Variants in BIRC6 observed in about 807,000 individuals in gnomAD.
The protein encoded by BIRC6 is dual E2 ubiquitin-conjugating enzyme/E3 ubiquitin-protein ligase BIRC6.
Under a neutral mutation model 503.3 loss-of-function variants are expected in BIRC6, and 98 were observed. The ratio of observed to expected loss-of-function variants is 0.19; its 90% CI spans 0.17 to 0.23. The LOEUF (loss-of-function observed/expected upper bound fraction) is 0.23, where lower values mean the gene tolerates loss of function less well. BIRC6 is among the 10% of genes least tolerant of loss of function. BIRC6 has a pLI of 1.00. For missense variants in BIRC6, 5,360 were observed against 5,806.0 expected, an observed-to-expected ratio of 0.92 and a Z score of 2.50; for synonymous variants, 2,240 against 2,078.7, an observed-to-expected ratio of 1.08 and a Z score of -2.11.
chr2:32,431,221 A>G, intron 12 of BIRC6, 131 bp downstream of exon 12: 2 of 408,252 alleles, frequency 4.9e-6, no homozygotes, highest in South Asian at 5.7e-5. Flanking sequence ...TTTGAGACAG[A>G]GTCTCACTCT....
chr2:32,600,784 G>A lies in BIRC6; in HGVS notation c.13992+884G>A, dbSNP rs766787636. On this transcript the variant is annotated intron_variant, in intron 70 of 73. Coordinates refer to ENST00000421745, the MANE Select transcript of BIRC6 (RefSeq NM_016252.4). ...GTGTTCCTTGATACACACAATTGTG[G>A]ACTTATTTTTAAAGTTTACACACTG... Among the ~76,000 whole-genome samples the A allele has an allele frequency of 4.6e-5, 7 of 152,242 alleles. No homozygotes were observed. In the East Asian group the frequency reaches 1.4e-3, roughly 29 times the overall value.
intron 53 of BIRC6, 90 bp from the exon 54 acceptor site, chr2:32,512,843 C>T (rs944395505): frequency 1.5e-5 from 14 of 922,132 alleles, no homozygotes; most frequent in Non-Finnish European, 2.4e-5. Context: ...TCATAAATAC[C>T]CTACTCACCA....
chr2:32,585,669 C>T (rs1030702176), intron 66 of BIRC6, among the ~76,000 whole-genome samples: 31 of 152,268 alleles, frequency 2.0e-4, no homozygotes, highest in African/African-American at 7.0e-4. Flanking sequence ...TGTGAGCCAC[C>T]GTGCCCAGCC....
chr2:32,515,677 T>G lies in BIRC6; in HGVS notation c.11256T>G (p.Thr3752=), dbSNP rs1160881679. 1 of 1,607,360 alleles carries G rather than the reference T, an allele frequency of 6.2e-7. No homozygotes were observed. The highest frequency in any genetic ancestry group is 1.1e-5 in the South Asian group (1 of 91,090). ...CTTCAGCTGCTACAACAGGACTGAC[T>G]ACTCAACAGCGCACAGCAATTGAGA... is the stretch of plus-strand genomic sequence containing the variant. The part of the protein sequence containing the change: ...SLSSAATTGL[T]TQQRTAIENA... Residue 3752 remains threonine, a synonymous_variant, in exon 55 of 74, where the codon ACT becomes ACG. Coordinates refer to ENST00000421745, the MANE Select transcript of BIRC6 (RefSeq NM_016252.4).
At chr2:32,480,158 C>G (rs2050219895) in intron 37 of BIRC6, among the ~76,000 whole-genome samples, 1 of 152,072 alleles carries the variant, frequency 6.6e-6, no homozygotes, top group Admixed American at 6.6e-5. Flanking sequence ...CTATTTTTTA[C>G]TTGATATTCT....
chr2:32,538,055 T>C (rs2057376946), intron 61 of BIRC6, among the ~76,000 whole-genome samples: 1 of 152,140 alleles, frequency 6.6e-6, no homozygotes, highest in Non-Finnish European at 1.5e-5. Context: ...TTTAACACAA[T>C]ATTAATAGAA....
Position 32,453,820 on chromosome 2 carries a change from T to G in BIRC6, c.4631T>G (p.Val1544Gly). Residue 1544 changes from valine (V) to glycine (G), a missense_variant, in exon 23 of 74, where the codon GTC (valine) becomes GGC (glycine). Coordinates refer to ENST00000421745, the MANE Select transcript of BIRC6 (RefSeq NM_016252.4). ...CTTTTGCCATTAGGAAATGGAAAGG[T>G]CAGTAGTTGCACAGCTGCTGAGGGT... is the stretch of plus-strand genomic sequence containing the variant. ...LSDVLSGNGK[V>G]SSCTAAEGSF... 2.5e-6 allele frequency: 4 copies of G among 1,613,584 alleles called. 1 individual carries two copies. The South Asian group carries it at 4.4e-5, about 18-fold the overall frequency.
chr2:32,443,311 A>G (rs1008898730), intron 19 of BIRC6, 180 bp from the exon 20 acceptor site: 99 of 527,034 alleles, frequency 1.9e-4, no homozygotes, highest in African/African-American at 3.0e-4. Flanking sequence ...AATATTTACA[A>G]CCCTCCTTAG....
rs1308742277 is a variant in BIRC6, at chr2:32,464,725, A to G, written c.5158A>G (p.Ile1720Val). 4 of 1,613,878 alleles carry G rather than the reference A, an allele frequency of 2.5e-6. No homozygotes were observed. The African/African-American group carries it at 5.3e-5, about 22-fold the overall frequency. Residue 1720 changes from isoleucine (I) to valine (V), a missense_variant, in exon 25 of 74, where the codon ATT (isoleucine) becomes GTT (valine). This residue lies in a region of BIRC6 where 2,299 missense variants were observed against 2,267.2 expected (regional missense o/e 1.01). Coordinates refer to ENST00000421745, the MANE Select transcript of BIRC6 (RefSeq NM_016252.4). ...ACCCAATGAAGCAGTTTCCGTTGTGATTAATGCCGAACTTGCACAGCTTTT... is the reference window on the plus strand; with the variant it reads ...ACCCAATGAAGCAGTTTCCGTTGTGGTTAATGCCGAACTTGCACAGCTTTT... The part of the protein sequence containing the change: ...TPPNEAVSVV[I>V]NAELAQLFPG...
At chr2:32,514,108 ACGAGG>A (rs2054751269) in intron 54 of BIRC6, among the ~76,000 whole-genome samples, 1 of 152,112 alleles carries the variant, frequency 6.6e-6, no homozygotes, top group Non-Finnish European at 1.5e-5. Flanking sequence ...ATCACTTGAA[ACGAGG>A]CGTTTAATGC....
chr2:32,541,205 A>G (rs1297277837), intron 61 of BIRC6, among the ~76,000 whole-genome samples: 1 of 152,118 alleles, frequency 6.6e-6, no homozygotes, highest in Admixed American at 6.6e-5. Flanking sequence ...AGCATAAAAT[A>G]ATAAATATAG....
Position 32,406,525 on chromosome 2 carries a change from G to A in BIRC6, c.1445G>A (p.Ser482Asn), listed in dbSNP as rs550400928. Residue 482 changes from serine to asparagine, a missense_variant, in exon 9 of 74, where the codon AGT becomes AAT. Around this residue, in one of 16 missense-constraint regions of BIRC6, gnomAD observed 700 missense variants for 739.3 expected, o/e 0.95. Transcript: ENST00000421745. ...DSDDLLEDSD[S>N]EEHSRSDSVT... is the part of the protein sequence containing the mutation. ...GATGATTTACTGGAGGATTCAGACA[G>A]TGAAGAGCATTCCAGATCAGATTCT... The A allele has an allele frequency of 1.5e-5, 24 of 1,610,556 alleles. No homozygotes were observed. In the South Asian group the frequency reaches 2.3e-4, roughly 16 times the overall value.
At chr2:32,487,892 C>A in intron 41 of BIRC6, 91 bp downstream of exon 41, 1 of 1,067,796 alleles carries the variant, frequency 9.4e-7, no homozygotes, top group African/African-American at 1.6e-5. Context: ...CTAATCCTGT[C>A]AGGGATGATT....
At chr2:32,441,525 C>G (rs1257898928) in intron 17 of BIRC6, 63 bp downstream of exon 17, 2 of 1,379,254 alleles carry the variant, frequency 1.5e-6, no homozygotes, top group Admixed American at 2.3e-5. Flanking sequence ...TAACACCACA[C>G]ACATACACAC....
At chr2:32,374,366 A>G (rs1286183733) in intron 1 of BIRC6, among the ~76,000 whole-genome samples, 2 of 152,170 alleles carry the variant, frequency 1.3e-5, no homozygotes, top group Admixed American at 1.3e-4. Flanking sequence ...TGGTGCAATC[A>G]TAGCTCACTG....
chr2:32,525,448 G>A lies in BIRC6; in HGVS notation c.11756-16G>A, dbSNP rs1234008264. ...TGTGTTGACTATGTAGAATCTTACTGATCCTTTTCTTTTAGGGCTGAAGTC... is the reference window on the plus strand; with the variant it reads ...TGTGTTGACTATGTAGAATCTTACTAATCCTTTTCTTTTAGGGCTGAAGTC... On this transcript the variant is annotated splice_polypyrimidine_tract_variant and intron_variant, in intron 58 of 73. Transcript: ENST00000421745. 4 of 1,613,728 alleles carry A rather than the reference G, an allele frequency of 2.5e-6. No homozygotes were observed. The East Asian group carries it at 8.9e-5, about 36-fold the overall frequency.
At chr2:32,574,516 A>C (rs1188721970) in intron 65 of BIRC6, 4 of 153,028 alleles carry the variant, frequency 2.6e-5, no homozygotes, top group Non-Finnish European at 5.8e-5. Flanking sequence ...TGGATGTTGT[A>C]TGTATTATAT....
chr2:32,429,334 T>G, intron 11 of BIRC6, 39 bp downstream of exon 11: 3 of 1,366,280 alleles, frequency 2.2e-6, no homozygotes, highest in Non-Finnish European at 2.9e-6. Flanking sequence ...AAAAAAAGAA[T>G]AGGTAGTATT....
At chr2:32,449,783 T>A (rs966835484) in intron 22 of BIRC6, among the ~76,000 whole-genome samples, 5 of 152,376 alleles carry the variant, frequency 3.3e-5, no homozygotes, top group South Asian at 2.1e-4. Flanking sequence ...ACTGGATGTT[T>A]AGCTATTTAA....
Sources: allele counts gnomAD v4.1 joint callset (sites outside exome capture counted in the v4.1 genomes callset), GRCh38; gene constraint gnomAD v4.1.1; regional missense constraint gnomAD v4.1.1; transcripts MANE v1.5; gene names NCBI Gene and HGNC (gene_info 2026-07-23, HGNC 2026-07-21).